The following PHF24 variants were observed in gnomAD, a reference collection of about 807,000 sequenced individuals.
The protein encoded by PHF24 is PHD finger protein 24, also known as Galpha inhibitory interacting protein.
A neutral mutation model predicts 42.6 loss-of-function variants in PHF24; 25 were observed. The ratio of observed to expected loss-of-function variants is 0.59; its 90% CI spans 0.43 to 0.82. The LOEUF (loss-of-function observed/expected upper bound fraction) is 0.82, where lower values mean the gene tolerates loss of function less well. Ranked by LOEUF, PHF24 falls within the 40% of genes least tolerant of loss-of-function variation. The pLI is 0.00. For missense variants in PHF24, 470 were observed against 538.1 expected, an observed-to-expected ratio of 0.87 and a Z score of 1.25; for synonymous variants, 185 against 204.8, an observed-to-expected ratio of 0.90 and a Z score of 0.83.
At chr9:34,737,894 T>A in the PHF24 span, among the ~76,000 whole-genome samples, 1 of 152,208 alleles carries the variant, frequency 6.6e-6, no homozygotes, top group African/African-American at 2.4e-5. Flanking sequence ...TGTGACTGAT[T>A]TAACAAATAG....
chr9:34,823,202 CAAAAAAAAAAAA>C, the PHF24 span, among the ~76,000 whole-genome samples: 7 of 58,676 alleles, frequency 1.2e-4, 1 homozygote, highest in South Asian at 2.0e-3. Flanking sequence ...GACTCCGTCT[CAAAAAAAAAAAA>C]AAAAAAAAAA....
At chr9:34,720,322 G>C in the PHF24 span, among the ~76,000 whole-genome samples, 180 of 152,198 alleles carry the variant, frequency 1.2e-3, 1 homozygote, top group Non-Finnish European at 1.6e-3. Context: ...GCGGGCGCCT[G>C]TAGTCCCAGC....
At chr9:34,810,235 G>A in the PHF24 span, among the ~76,000 whole-genome samples, 1 of 152,158 alleles carries the variant, frequency 6.6e-6, no homozygotes, top group Non-Finnish European at 1.5e-5. Context: ...GTACTCCGGG[G>A]ACTCTGAGGT....
chr9:34,740,407 G>A, the PHF24 span, among the ~76,000 whole-genome samples: 1 of 152,248 alleles, frequency 6.6e-6, no homozygotes, highest in African/African-American at 2.4e-5. Flanking sequence ...GGCCAGGCAA[G>A]AAATCGAGCG....
chr9:34,976,863 C>T, intron 5 of PHF24, 123 bp downstream of exon 5: 1 of 949,248 alleles, frequency 1.1e-6, no homozygotes, highest in Non-Finnish European at 1.6e-6. Context: ...GGAATGGGCT[C>T]AGGTTCCATC....
the PHF24 span, among the ~76,000 whole-genome samples, chr9:34,824,215 G>A: frequency 6.6e-6 from 1 of 152,228 alleles, no homozygotes; most frequent in Non-Finnish European, 1.5e-5. Context: ...CTATAGGCCT[G>A]TATATCCGAC....
chr9:34,730,307 G>A, the PHF24 span, among the ~76,000 whole-genome samples: 2 of 152,162 alleles, frequency 1.3e-5, no homozygotes, highest in African/African-American at 2.4e-5. Flanking sequence ...TACTTCCATA[G>A]CCAGACTATT....
chr9:34,818,860 A>AT, the PHF24 span, among the ~76,000 whole-genome samples: 1 of 152,222 alleles, frequency 6.6e-6, no homozygotes, highest in South Asian at 2.1e-4. Flanking sequence ...TTTATGGAAG[A>AT]TTTTGTGGAG....
chr9:34,882,816 C>T, the PHF24 span, among the ~76,000 whole-genome samples: 2 of 152,104 alleles, frequency 1.3e-5, no homozygotes, highest in African/African-American at 4.8e-5. Flanking sequence ...TCAATGCCAT[C>T]CCCATCAAGC....
At chr9:34,689,552 G>A in the PHF24 span, 3 of 447,704 alleles carry the variant, frequency 6.7e-6, no homozygotes, top group Non-Finnish European at 7.9e-6. The surrounding 1 kb of genome is among the most constrained non-coding windows in gnomAD (Gnocchi z 4.1). Flanking sequence ...AAAGAAATCT[G>A]TAACAGGTTG....
the PHF24 span, among the ~76,000 whole-genome samples, chr9:34,952,219 C>G: frequency 2.0e-5 from 3 of 152,132 alleles, no homozygotes; most frequent in Non-Finnish European, 2.9e-5. Flanking sequence ...GTGAGTTTAG[C>G]AAGGTCACAG....
chr9:34,940,539 G>A, the PHF24 span, among the ~76,000 whole-genome samples: 1 of 152,238 alleles, frequency 6.6e-6, no homozygotes, highest in South Asian at 2.1e-4. Flanking sequence ...ATCAGTTGAG[G>A]CCAGGAGTTT....
intron 1 of PHF24, among the ~76,000 whole-genome samples, chr9:34,967,838 A>T (rs1047170318): frequency 2.6e-5 from 4 of 152,206 alleles, no homozygotes; most frequent in Non-Finnish European, 5.9e-5. Flanking sequence ...ATGAACTTTT[A>T]AAAGAAGATG....
the PHF24 span, among the ~76,000 whole-genome samples, chr9:34,853,588 G>A: frequency 2.0e-5 from 3 of 152,136 alleles, no homozygotes; most frequent in African/African-American, 7.2e-5. Flanking sequence ...CAGCACTTTG[G>A]GAGGCCGAGG....
chr9:34,922,804 C>T, the PHF24 span: 1 of 1,592,576 alleles, frequency 6.3e-7, no homozygotes, highest in Non-Finnish European at 8.5e-7. Flanking sequence ...AGATTCCTCT[C>T]CTCATTGGAT....
chr9:34,692,133 A>T, the PHF24 span, among the ~76,000 whole-genome samples: 1 of 152,082 alleles, frequency 6.6e-6, no homozygotes, highest in African/African-American at 2.4e-5. Flanking sequence ...GAGAAACTAA[A>T]TGTGAAACGC....
At chr9:34,905,248 C>A in the PHF24 span, among the ~76,000 whole-genome samples, 1 of 152,126 alleles carries the variant, frequency 6.6e-6, no homozygotes, top group Non-Finnish European at 1.5e-5. Context: ...GGAGGGCAAT[C>A]CTAAACACCA....
the PHF24 span, chr9:34,837,794 A>G: frequency 7.4e-6 from 6 of 808,432 alleles, no homozygotes; most frequent in Non-Finnish European, 1.2e-5. Flanking sequence ...CTCCCTTTCT[A>G]TATATCTATC....
the PHF24 span, among the ~76,000 whole-genome samples, chr9:34,938,722 G>A: frequency 6.6e-5 from 10 of 151,310 alleles, no homozygotes; most frequent in Non-Finnish European, 1.0e-4. Flanking sequence ...GAGGACAGGA[G>A]ATCAAGACCA....
Sources: gnomAD v4.1 joint callset for allele counts (sites outside exome capture counted in the v4.1 genomes callset) on GRCh38, gnomAD v4.1.1 for gene constraint, Gnocchi (gnomAD v3.1) non-coding constraint, MANE v1.5 for transcripts, NCBI Gene and HGNC (gene_info 2026-07-23, HGNC 2026-07-21) for gene names.